SAE1: variants seen among roughly 807,000 people sequenced by gnomAD.
The protein encoded by SAE1 is SUMO1 activating enzyme subunit 1.
Under a neutral mutation model 40.6 loss-of-function variants are expected in SAE1, and 11 were observed. That is an observed-to-expected ratio of 0.27 (90% CI 0.17 to 0.45). The LOEUF (loss-of-function observed/expected upper bound fraction) is 0.45, where lower values mean the gene tolerates loss of function less well. Among genes scored for constraint, SAE1 ranks in the 20% least tolerant of loss-of-function variants. The pLI is 1.00. For synonymous variants in SAE1, 155 were observed against 154.3 expected (o/e 1.00, Z -0.03); for missense variants, 373 against 427.3 (o/e 0.87, Z 1.12).
At chr19:47,174,794 C>T (rs552608500) in intron 6 of SAE1, among the ~76,000 whole-genome samples, 85 of 151,640 alleles carry the variant, frequency 5.6e-4, no homozygotes, top group Non-Finnish European at 9.9e-4. Context: ...AGGATGGTCT[C>T]GATGTTCTGA....
intron 7 of SAE1, among the ~76,000 whole-genome samples, chr19:47,198,752 C>T (rs1453018721): frequency 6.6e-6 from 1 of 152,160 alleles, no homozygotes; most frequent in African/African-American, 2.4e-5. Flanking sequence ...CATTTAGGGC[C>T]AGCAGTGGTC....
At chr19:47,152,423 T>G (rs555308874) in intron 3 of SAE1, among the ~76,000 whole-genome samples, 2 of 152,372 alleles carry the variant, frequency 1.3e-5, no homozygotes, top group South Asian at 4.1e-4. Context: ...CTTGTTTATC[T>G]TCTTTATCTT....
intron 5 of SAE1, among the ~76,000 whole-genome samples, chr19:47,167,668 C>T (rs1249393299): frequency 6.6e-6 from 1 of 152,120 alleles, no homozygotes; most frequent in African/African-American, 2.4e-5. Context: ...TCTCTCTGTT[C>T]TTTAAATATC....
rs545109852 is a variant in SAE1 at position 47,204,291 on chromosome 19, G to A, written c.948+551G>A. Among the ~76,000 whole-genome samples the A allele has an allele frequency of 6.2e-4, 89 of 142,666 alleles. 1 individual carries two copies. Among genetic ancestry groups the A allele is most frequent in the East Asian group, 4.3e-4 (2 of 4,600 alleles). The allele number at this position is 142,666 out of a possible 152,430, so 93.6% of individuals were successfully genotyped here. On this transcript the variant is annotated intron_variant, in intron 8 of 8. Coordinates refer to ENST00000270225, the MANE Select transcript of SAE1 (RefSeq NM_005500.3). Reference sequence around the variant, plus strand: ...CAGATCACTGCAAGCTCCACCTCCCGGGTTCACGCCATTCTCCTACCTTAG... The same window carrying A: ...CAGATCACTGCAAGCTCCACCTCCCAGGTTCACGCCATTCTCCTACCTTAG...
Position 47,209,215 on chromosome 19 carries a change from G to A in SAE1, c.1005G>A (p.Lys335=), listed in dbSNP as rs56405554. The part of the protein sequence containing the change: ...HNNFFFFDGM[K]GNGIVECLGP... The stretch of plus-strand genomic sequence containing the variant: ...ACTTCTTCTTCTTCGATGGCATGAA[G>A]GGGAATGGGATTGTGGAGTGCCTTG... Residue 335 remains lysine, a synonymous_variant, in exon 9 of 9, where the codon AAG becomes AAA. Transcript: ENST00000270225. 1 of 1,614,094 alleles carries A rather than the reference G, an allele frequency of 6.2e-7. No individual in the cohort carries two copies. The highest frequency in any genetic ancestry group is 2.2e-5 in the East Asian group (1 of 44,890).
chr19:47,133,415 C>T (rs185508040), intron 1 of SAE1, among the ~76,000 whole-genome samples: 61 of 152,250 alleles, frequency 4.0e-4, no homozygotes, highest in Non-Finnish European at 7.2e-4. Context: ...TTAGTAGAGA[C>T]GGGGTTTCAC....
intron 6 of SAE1, among the ~76,000 whole-genome samples, chr19:47,176,363 A>G (rs2058468611): frequency 6.6e-6 from 1 of 152,238 alleles, no homozygotes; most frequent in Non-Finnish European, 1.5e-5. Flanking sequence ...ATGCCTTAGG[A>G]ATTCCTAGTG....
intron 6 of SAE1, among the ~76,000 whole-genome samples, chr19:47,191,011 A>G (rs1177789162): frequency 6.6e-6 from 1 of 152,208 alleles, no homozygotes; most frequent in Admixed American, 6.5e-5. Context: ...GTTAAGAAGC[A>G]CAAATTCTGA....
chr19:47,181,476 CTTTTTTTT>C (rs202245801), intron 6 of SAE1, among the ~76,000 whole-genome samples: 2 of 99,726 alleles, frequency 2.0e-5, no homozygotes, highest in African/African-American at 9.4e-5. Flanking sequence ...TTTTCTTTTC[CTTTTTTTT>C]TTTTTTTTTT....
At chr19:47,186,804 CACAA>C (rs2058547280) in intron 6 of SAE1, among the ~76,000 whole-genome samples, 1 of 152,006 alleles carries the variant, frequency 6.6e-6, no homozygotes, top group African/African-American at 2.4e-5. Flanking sequence ...ACTTTTGGAG[CACAA>C]AAAGGGGCAT....
At chr19:47,197,919 C>T (rs552419005) in intron 7 of SAE1, among the ~76,000 whole-genome samples, 6 of 152,314 alleles carry the variant, frequency 3.9e-5, no homozygotes, top group Non-Finnish European at 7.3e-5. Context: ...ATCATTTGGT[C>T]AGCATTGCCA....
chr19:47,137,687 C>T (rs138872831), intron 1 of SAE1, among the ~76,000 whole-genome samples: 15 of 147,798 alleles, frequency 1.0e-4, no homozygotes, highest in Middle Eastern at 3.6e-3. Context: ...TGGCGTATGC[C>T]GTAACACTCA....
At chr19:47,187,410 G>A (rs1315076583) in intron 6 of SAE1, among the ~76,000 whole-genome samples, 1 of 152,168 alleles carries the variant, frequency 6.6e-6, no homozygotes, top group South Asian at 2.1e-4. Flanking sequence ...AGTATTCCAT[G>A]TGTAGCATGT....
chr19:47,174,734 G>C (rs1469132881), intron 6 of SAE1, among the ~76,000 whole-genome samples: 3 of 151,700 alleles, frequency 2.0e-5, no homozygotes, highest in Admixed American at 6.6e-5. Flanking sequence ...CACCATGCCC[G>C]GCTAATTTTT....
chr19:47,135,188 ATTC>A (rs1367384630), intron 1 of SAE1, among the ~76,000 whole-genome samples: 1 of 152,126 alleles, frequency 6.6e-6, no homozygotes, highest in Non-Finnish European at 1.5e-5. Flanking sequence ...ATCCAATTAT[ATTC>A]TTTTAGTTGC....
intron 5 of SAE1, among the ~76,000 whole-genome samples, chr19:47,159,137 G>C (rs2058341825): frequency 6.6e-6 from 1 of 152,088 alleles, no homozygotes. Flanking sequence ...TAGAAATACA[G>C]ATTTAATTTT....
chr19:47,163,025 A>G (rs2058368581), intron 5 of SAE1, among the ~76,000 whole-genome samples: 1 of 152,194 alleles, frequency 6.6e-6, no homozygotes, highest in East Asian at 1.9e-4. Flanking sequence ...AAATAAGTTC[A>G]TAATTCCAAA....
intron 6 of SAE1, among the ~76,000 whole-genome samples, chr19:47,171,868 G>T (rs1344409700): frequency 1.3e-5 from 2 of 152,072 alleles, no homozygotes; most frequent in African/African-American, 2.4e-5. Context: ...CTCCCAAAGT[G>T]CTGGGATTAC....
chr19:47,178,872 T>A (rs1345091779), intron 6 of SAE1, among the ~76,000 whole-genome samples: 2 of 152,086 alleles, frequency 1.3e-5, no homozygotes, highest in Non-Finnish European at 2.9e-5. Flanking sequence ...CTGTTCAATA[T>A]AGTATTTTGA....
Sources: gnomAD v4.1 joint callset for allele counts (sites outside exome capture counted in the v4.1 genomes callset) on GRCh38, gnomAD v4.1.1 for gene constraint, MANE v1.5 for transcripts, NCBI Gene and HGNC (gene_info 2026-07-23, HGNC 2026-07-21) for gene names.